TAP1: variants seen among roughly 807,000 people sequenced by gnomAD.
The protein encoded by TAP1 is transporter 1, ATP binding cassette subfamily B member.
In TAP1, 56 loss-of-function variants were observed where a neutral mutation model predicts 79.3. The observed-to-expected ratio is 0.71, with a 90% CI of 0.57 to 0.88. The LOEUF is 0.88. Ranked by LOEUF, TAP1 falls within the 40% of genes least tolerant of loss-of-function variation. The probability of loss-of-function intolerance (pLI) is 0.00; values close to 1 mark genes in which losing one functional copy is unlikely to be tolerated. For missense variants in TAP1, 737 were observed against 936.3 expected (o/e 0.79, Z 2.78); for synonymous variants, 355 against 401.4 (o/e 0.88, Z 1.38).
rs766171114 is a variant in TAP1, at chr6:32,853,550, A to G, written c.87T>C (p.Leu29=). ...TCCGGAGCAGCACCCAGTCGGCGAG[A>G]AGTAGCAGTACTGTCCCCAGCCATG... is the stretch of plus-strand genomic sequence containing the variant. ...SLAWLGTVLL[L]LADWVLLRTA... The change falls in exon 1 of 11, where the codon CTT becomes CTC. Residue 29 remains leucine, a synonymous_variant. Transcript: ENST00000354258. This position sits in a 1 kb window ranked among gnomAD's most constrained non-coding sequence, Gnocchi z 8.3. 115 of 1,610,456 alleles carry G rather than the reference A, an allele frequency of 7.1e-5. No homozygotes were observed. Among genetic ancestry groups the G allele is most frequent in the Non-Finnish European group, 9.5e-5 (112 of 1,178,246 alleles).
Position 32,848,022 on chromosome 6 carries a change from G to A in TAP1, c.1637C>T (p.Thr546Ile), listed in dbSNP as rs1169938634. The part of the protein sequence containing the change: ...LVGPNGSGKS[T>I]VAALLQNLYQ... The stretch of plus-strand genomic sequence containing the variant: ...CAGATTCTGCAGCAGGGCAGCCACT[G>A]TGCTCTTCCCAGACCCATTGGGTCC... Residue 546 changes from threonine (T) to isoleucine (I), a missense_variant, in exon 8 of 11, where the codon ACA becomes ATA. Around this residue, in one of 5 missense-constraint regions of TAP1, gnomAD observed 266 missense variants for 332.4 expected, o/e 0.80. Transcript: ENST00000354258. 3 of 1,613,010 alleles carry A rather than the reference G, an allele frequency of 1.9e-6. No homozygotes were observed. The highest frequency in any genetic ancestry group is 2.5e-6 in the Non-Finnish European group (3 of 1,180,038).
chr6:32,847,534 G>C lies in TAP1; in HGVS notation c.1882C>G (p.Leu628Val). 6.2e-7 allele frequency: 1 copy of C among 1,613,858 alleles called. No homozygotes were observed. Among genetic ancestry groups the C allele is most frequent in the Non-Finnish European group, 8.5e-7 (1 of 1,180,020 alleles). ...GTACCTGTGTCATAGCCCTGAGGGA[G>C]TCCAGAGATGAAACTATGGGCCCCA... ...KSGAHSFISG[L>V]PQGYDTEVDE... Residue 628 changes from leucine to valine, a missense_variant, in exon 9 of 11, where the codon CTC becomes GTC. By Grantham distance (32) the Leu-to-Val change is conservative. This residue lies in a region of TAP1 where 266 missense variants were observed against 332.4 expected (regional missense o/e 0.80). Transcript: ENST00000354258. The surrounding 1 kb of genome is among the most constrained non-coding windows in gnomAD (Gnocchi z 4.7).
At chr6:32,846,928 G>T in intron 10 of TAP1, 140 bp downstream of exon 10, 2 of 1,217,554 alleles carry the variant, frequency 1.6e-6, no homozygotes, top group Non-Finnish European at 2.4e-6. Context: ...CCTTGGGGAG[G>T]CATCCAATGG....
In TAP1 at chr6:32,851,042, C is replaced by A. The variant is rs781031767; in HGVS notation, c.952G>T (p.Gly318Trp). 1 of 1,612,948 alleles carries A rather than the reference C, an allele frequency of 6.2e-7. No individual in the cohort carries two copies. Among genetic ancestry groups the A allele is most frequent in the Non-Finnish European group, 8.5e-7 (1 of 1,180,010 alleles). ...WYLVRGLCLL[G>W]IMLWGSVSLT... is the part of the protein sequence containing the mutation. ...GACACTGATCCCCAGAGCATGATCC[C>A]CAAGAGACATAGGCCTCGCACCAGG... Residue 318 changes from glycine to tryptophan, a missense_variant, in exon 4 of 11, where the codon GGG becomes TGG. Transcript: ENST00000354258. The surrounding 1 kb of genome is among the most constrained non-coding windows in gnomAD (Gnocchi z 4.8).
At position 32,850,534 on chromosome 6, in the gene TAP1, A is replaced by C; in HGVS notation, c.1051-17T>G. The C allele has an allele frequency of 6.2e-7, 1 of 1,608,106 alleles. No individual in the cohort carries two copies. Among genetic ancestry groups the C allele is most frequent in the East Asian group, 2.2e-5 (1 of 44,894 alleles). On this transcript the variant is annotated splice_polypyrimidine_tract_variant and intron_variant, in intron 4 of 10. Coordinates refer to ENST00000354258, the MANE Select transcript of TAP1 (RefSeq NM_000593.6). The surrounding 1 kb of genome is among the most constrained non-coding windows in gnomAD (Gnocchi z 5.5). The stretch of plus-strand genomic sequence containing the variant: ...TTCCAGCAACTGTGGATACATGGAC[A>C]AGAGATGTCACACGGGTTGGCAAAC...
chr6:32,853,463 C>G lies in TAP1; in HGVS notation c.174G>C (p.Trp58Cys), dbSNP rs760614619. ...VPTALPLLRV[W>C]AVGLSRWAVL... ...CGGCCCAGCGGCTCAGGCCCACCGC[C>G]CAGACCCGGAGCAGTGGCAGCGCGG... is the stretch of plus-strand genomic sequence containing the variant. The change falls in exon 1 of 11, where the codon TGG (tryptophan) becomes TGC (cysteine). Residue 58 changes from tryptophan to cysteine, a missense_variant. Physicochemically the swap from Trp to Cys is radical, Grantham distance 215. Coordinates refer to ENST00000354258, the MANE Select transcript of TAP1 (RefSeq NM_000593.6). This position sits in a 1 kb window ranked among gnomAD's most constrained non-coding sequence, Gnocchi z 8.3. The G allele has an allele frequency of 1.2e-6, 2 of 1,611,024 alleles. No homozygotes were observed. The highest frequency in any genetic ancestry group is 1.7e-6 in the Non-Finnish European group (2 of 1,178,800).
rs765958228 is a variant in TAP1, at chr6:32,847,591, T to C, written c.1825A>G (p.Met609Val). The change falls in exon 9 of 11, where the codon ATG (methionine) becomes GTG (valine). Residue 609 changes from methionine to valine, a missense_variant. Physicochemically the swap from Met to Val is conservative, Grantham distance 21 (BLOSUM62 1). Around this residue, in one of 5 missense-constraint regions of TAP1, gnomAD observed 266 missense variants for 332.4 expected, o/e 0.80. Coordinates refer to ENST00000354258, the MANE Select transcript of TAP1 (RefSeq NM_000593.6). The surrounding 1 kb of genome is among the most constrained non-coding windows in gnomAD (Gnocchi z 4.7). Reference sequence around the variant, plus strand: ...ACTGCAGCAGCTGTGATTTCCTCCATAGTTGGCTTCTGGGTCAGGCCATAG... The same window carrying C: ...ACTGCAGCAGCTGTGATTTCCTCCACAGTTGGCTTCTGGGTCAGGCCATAG... ...IAYGLTQKPT[M>V]EEITAAAVKS... 9 of 1,614,112 alleles carry C rather than the reference T, an allele frequency of 5.6e-6. No homozygotes were observed. Among genetic ancestry groups the C allele is most frequent in the East Asian group, 2.2e-5 (1 of 44,884 alleles).
intron 7 of TAP1, 67 bp downstream of exon 7, chr6:32,848,585 G>C: frequency 6.4e-7 from 1 of 1,559,748 alleles, no homozygotes; most frequent in Non-Finnish European, 8.8e-7. Flanking sequence ...GCTGAAGGCA[G>C]GAAGAAAATT....
Position 32,850,083 on chromosome 6 carries a change from T to C in TAP1, c.1248+237A>G. On this transcript the variant is annotated intron_variant, in intron 5 of 10. Coordinates refer to ENST00000354258, the MANE Select transcript of TAP1 (RefSeq NM_000593.6). The surrounding 1 kb of genome is among the most constrained non-coding windows in gnomAD (Gnocchi z 5.5). ...GACTGGAAGACACGCATCTCTCCAA[T>C]CCACATGGTTGGGTGGATTTTATGT... 2 of 614,768 alleles carry C rather than the reference T, an allele frequency of 3.3e-6. No homozygotes were observed. The highest frequency in any genetic ancestry group is 8.7e-4 in the Middle Eastern group (2 of 2,310). 38.1% of individuals were successfully genotyped at this position (614,768 alleles called of 1,614,324 possible).
chr6:32,845,638 T>C lies in TAP1; in HGVS notation c.2188A>G (p.Met730Val). The C allele has an allele frequency of 2.5e-6, 4 of 1,610,968 alleles. No homozygotes were observed. In the South Asian group the frequency reaches 3.3e-5, roughly 13 times the overall value. ...IREGGTHQQL[M>V]EKKGCYWAMV... is the part of the protein sequence containing the mutation. ...GCCCAGTAGCACCCCTTTTTCTCCA[T>C]GAGCTGCTGGTGGGTTCCCCCCTCC... Residue 730 changes from methionine (M) to valine (V), a missense_variant, in exon 11 of 11, where the codon ATG (methionine) becomes GTG (valine). Around this residue, in one of 5 missense-constraint regions of TAP1, gnomAD observed 266 missense variants for 332.4 expected, o/e 0.80. Transcript: ENST00000354258. This position sits in a 1 kb window ranked among gnomAD's most constrained non-coding sequence, Gnocchi z 4.5.
In TAP1 at chr6:32,852,082, G is replaced by A. The variant is rs1395739615; in HGVS notation, c.844+27C>T. ...TATGAGGATATGAACAGTACATGGC[G>A]TATAATGAAAGAGTTTCAGGAGAAA... is the stretch of plus-strand genomic sequence containing the variant. On this transcript the variant is annotated intron_variant, in intron 3 of 10. Transcript: ENST00000354258. This position sits in a 1 kb window ranked among gnomAD's most constrained non-coding sequence, Gnocchi z 4.8. 45 of 1,612,746 alleles carry A rather than the reference G, an allele frequency of 2.8e-5. No individual in the cohort carries two copies. The highest frequency in any genetic ancestry group is 3.5e-5 in the Non-Finnish European group (41 of 1,179,998).
At position 32,851,924 on chromosome 6, in the gene TAP1, T is replaced by TGTGAGAGA. The variant is rs1554246364; in HGVS notation, c.844+184_844+185insTCTCTCAC. Among the ~76,000 whole-genome samples, 252 of 147,424 alleles carry TGTGAGAGA rather than the reference T, an allele frequency of 1.7e-3. 1 individual carries two copies. The highest frequency in any genetic ancestry group is 4.8e-3 in the African/African-American group (191 of 39,864). On this transcript the variant is annotated intron_variant, in intron 3 of 10. Coordinates refer to ENST00000354258, the MANE Select transcript of TAP1 (RefSeq NM_000593.6). This position sits in a 1 kb window ranked among gnomAD's most constrained non-coding sequence, Gnocchi z 4.8. The stretch of plus-strand genomic sequence containing the variant: ...AAAAACAATTGTGTGTGTGTGTGTG[T>TGTGAGAGA]GAGAGAGAGAGAGAGAGAGACAGAG...
At position 32,852,309 on chromosome 6, in the gene TAP1, CCATATAAGTG is replaced by C; in HGVS notation, c.713+69_714-71del. 1 of 1,612,820 alleles carries C rather than the reference CCATATAAGTG, an allele frequency of 6.2e-7. No individual in the cohort carries two copies. The highest frequency in any genetic ancestry group is 8.5e-7 in the Non-Finnish European group (1 of 1,179,914). ...AACAGACTGAAGGTCCCAGGTATCC[CCATATAAGTG>C]CATTTCGGACAGCAGCCCCAACTTC... On this transcript the variant is annotated intron_variant, in intron 2 of 10. Transcript: ENST00000354258. The surrounding 1 kb of genome is among the most constrained non-coding windows in gnomAD (Gnocchi z 4.8).
At chr6:32,846,986 T>C in intron 10 of TAP1, 82 bp downstream of exon 10, 5 of 1,590,558 alleles carry the variant, frequency 3.1e-6, no homozygotes, top group South Asian at 1.1e-5. Flanking sequence ...TGTATAATTA[T>C]GATGTTAGTA....
rs1469744350 is a variant in TAP1 at position 32,852,719 on chromosome 6, G to A, written c.599-217C>T. The A allele has an allele frequency of 3.4e-6, 5 of 1,456,156 alleles. No individual in the cohort carries two copies. In the African/African-American group the frequency reaches 7.1e-5, roughly 21 times the overall value. The allele number at this position is 1,456,156 out of a possible 1,614,324, so 90.2% of individuals were successfully genotyped here. ...AGAACTTTCAGGATTTTATTAGGAAGGCTGGAGATCATGAAGTAGAAAAGC... is the reference window on the plus strand; with the variant it reads ...AGAACTTTCAGGATTTTATTAGGAAAGCTGGAGATCATGAAGTAGAAAAGC... On this transcript the variant is annotated intron_variant, in intron 1 of 10. Transcript: ENST00000354258. This position sits in a 1 kb window ranked among gnomAD's most constrained non-coding sequence, Gnocchi z 4.8.
rs1770351052 is a variant in TAP1 at position 32,845,845 on chromosome 6, G to A, written c.2041-60C>T. 1 of 1,452,274 alleles carries A rather than the reference G, an allele frequency of 6.9e-7. No homozygotes were observed. Among genetic ancestry groups the A allele is most frequent in the Non-Finnish European group, 9.5e-7 (1 of 1,054,710 alleles). The allele number at this position is 1,452,274 out of a possible 1,614,324, so 90.0% of individuals were successfully genotyped here. On this transcript the variant is annotated intron_variant, in intron 10 of 10. Transcript: ENST00000354258. The surrounding 1 kb of genome is among the most constrained non-coding windows in gnomAD (Gnocchi z 4.5). ...CTACCCTCAGCCCAGGGAGACACCT[G>A]TGTTTCCAGGGCTGGGACTGACCTC...
intron 10 of TAP1, chr6:32,846,458 C>G (rs1437172771): frequency 1.2e-5 from 2 of 166,806 alleles, no homozygotes; most frequent in Non-Finnish European, 2.7e-5. Context: ...GCTGTCTGTA[C>G]AAAAAATAAT....
At chr6:32,846,621 G>A (rs894859702) in intron 10 of TAP1, 1 of 292,626 alleles carries the variant, frequency 3.4e-6, no homozygotes, top group African/African-American at 2.2e-5. Context: ...GGAATTCAAG[G>A]CCAGCCTGGG....
Position 32,852,483 on chromosome 6 carries a change from G to C in TAP1, c.618C>G (p.Phe206Leu). The change falls in exon 2 of 11, where the codon TTC (phenylalanine) becomes TTG (leucine). Residue 206 changes from phenylalanine to leucine, a missense_variant. By Grantham distance (22) the Phe-to-Leu change is conservative (BLOSUM62 0). Transcript: ENST00000354258. This position sits in a 1 kb window ranked among gnomAD's most constrained non-coding sequence, Gnocchi z 4.8. ...TCCAGTCAGTGAGGCGGCCCGTAAA[G>C]AATGGAATGGCCATCTCCCCTGGAG... ...LSSLGEMAIP[F>L]FTGRLTDWIL... 1.9e-6 allele frequency: 3 copies of C among 1,613,024 alleles called. No individual in the cohort carries two copies. Among genetic ancestry groups the C allele is most frequent in the Non-Finnish European group, 2.5e-6 (3 of 1,180,018 alleles).
Sources: gnomAD v4.1 joint callset for allele counts (sites outside exome capture counted in the v4.1 genomes callset) on GRCh38, gnomAD v4.1.1 for gene constraint, gnomAD v4.1.1 regional missense constraint, Gnocchi (gnomAD v3.1) non-coding constraint, MANE v1.5 for transcripts, NCBI Gene and HGNC (gene_info 2026-07-23, HGNC 2026-07-21) for gene names.